Variants in RIC1 observed in about 807,000 individuals in gnomAD.
The protein encoded by RIC1 is guanine nucleotide exchange factor subunit RIC1.
In RIC1, 88 loss-of-function variants were observed where a neutral mutation model predicts 169.0. The ratio of observed to expected loss-of-function variants is 0.52; its 90% CI spans 0.44 to 0.62. The LOEUF is 0.62. Ranked by LOEUF, RIC1 falls within the 20% of genes least tolerant of loss-of-function variation. The pLI is 0.00. For missense variants in RIC1, 1,877 were observed against 1,725.5 expected, an observed-to-expected ratio of 1.09 and a Z score of -1.56; for synonymous variants, 790 against 601.5, an observed-to-expected ratio of 1.31 and a Z score of -4.59.
intron 1 of RIC1, among the ~76,000 whole-genome samples, chr9:5,635,112 T>A (rs749849228): frequency 8.5e-5 from 13 of 152,140 alleles, no homozygotes; most frequent in Non-Finnish European, 1.2e-4. Context: ...CTTAGCATCC[T>A]GAGTAGCTGG....
chr9:5,677,371 G>T (rs1820513261), intron 2 of RIC1, among the ~76,000 whole-genome samples: 1 of 151,836 alleles, frequency 6.6e-6, no homozygotes, highest in Admixed American at 6.6e-5. Flanking sequence ...TTTTTAGATG[G>T]GATCCTTGAT....
chr9:5,762,847 A>T (rs1826430859), intron 18 of RIC1, among the ~76,000 whole-genome samples, 187 bp downstream of exon 18: 1 of 152,212 alleles, frequency 6.6e-6, no homozygotes, highest in Non-Finnish European at 1.5e-5. Flanking sequence ...AATGATCATG[A>T]AATGTTCCAT....
intron 2 of RIC1, 52 bp downstream of exon 2, chr9:5,656,742 C>T: frequency 9.8e-7 from 1 of 1,025,150 alleles, no homozygotes; most frequent in Non-Finnish European, 1.5e-6. Flanking sequence ...CATTACATCG[C>T]ATTTAAATTT....
chr9:5,695,586 T>A (rs1735181703), intron 3 of RIC1, among the ~76,000 whole-genome samples: 1 of 150,354 alleles, frequency 6.7e-6, no homozygotes, highest in African/African-American at 2.4e-5. Flanking sequence ...TTTTTTTTTT[T>A]TTTTGAGACA....
chr9:5,656,815 G>T, intron 2 of RIC1, 125 bp downstream of exon 2: 1 of 579,252 alleles, frequency 1.7e-6, no homozygotes. Flanking sequence ...TATTCTGATA[G>T]GAATTGCTTT....
chr9:5,679,057 A>C (rs527891488), intron 2 of RIC1, among the ~76,000 whole-genome samples: 2 of 151,692 alleles, frequency 1.3e-5, no homozygotes, highest in Admixed American at 6.6e-5. Flanking sequence ...TCAGCTTTCT[A>C]CATATGGCTA....
At chr9:5,765,612 C>G in intron 20 of RIC1, 40 bp downstream of exon 20, 3 of 1,613,948 alleles carry the variant, frequency 1.9e-6, no homozygotes, top group African/African-American at 1.3e-5. Flanking sequence ...AGGCCATACA[C>G]CCACGTAGCA....
Position 5,763,902 on chromosome 9 carries a change from T to G in RIC1, c.2841+34T>G, listed in dbSNP as rs779615695. On this transcript the variant is annotated intron_variant, in intron 19 of 25. Coordinates refer to ENST00000414202, the MANE Select transcript of RIC1 (RefSeq NM_020829.4). The surrounding 1 kb of genome is among the most constrained non-coding windows in gnomAD (Gnocchi z 5.2). Reference sequence around the variant, plus strand: ...TCTCTTCTTATAAAGGGGCAAGAATTAATGAGCTTAAACTTAGAAAAATAG... The same window carrying G: ...TCTCTTCTTATAAAGGGGCAAGAATGAATGAGCTTAAACTTAGAAAAATAG... 6.4e-7 allele frequency: 1 copy of G among 1,568,698 alleles called. No homozygotes were observed. The highest frequency in any genetic ancestry group is 8.7e-7 in the Non-Finnish European group (1 of 1,155,210).
intron 2 of RIC1, among the ~76,000 whole-genome samples, chr9:5,685,378 C>G (rs1821154340): frequency 6.6e-6 from 1 of 151,752 alleles, no homozygotes; most frequent in African/African-American, 2.4e-5. Flanking sequence ...TTCAACTATA[C>G]TACAAGGCTA....
Position 5,776,045 on chromosome 9 carries a change from T to C in RIC1, c.*1799T>C, listed in dbSNP as rs961124032. 1 of 152,174 alleles carries C rather than the reference T, an allele frequency of 6.6e-6. No individual in the cohort carries two copies. Among genetic ancestry groups the C allele is most frequent in the African/African-American group, 2.4e-5 (1 of 41,456 alleles). The allele number at this position is 152,174 out of a possible 1,614,324, so 9.4% of individuals were successfully genotyped here. On this transcript the variant is annotated 3_prime_UTR_variant, in exon 26 of 26. Transcript: ENST00000414202. ...GGTGTGAATATTCAGTCAATAAAAA[T>C]GATTTACCATTATAAAGAGCTGTGA...
chr9:5,756,035 G>A (rs13299243), intron 15 of RIC1, among the ~76,000 whole-genome samples, 177 bp from the exon 16 acceptor site: 2,846 of 150,572 alleles, frequency 0.019, 31 homozygotes, highest in Non-Finnish European at 0.023. Context: ...AATGAGCCTA[G>A]TCTGCAAAAA....
chr9:5,774,327 T>A lies in RIC1; in HGVS notation c.*81T>A. 8.1e-7 allele frequency: 1 copy of A among 1,235,394 alleles called. No homozygotes were observed. The highest frequency in any genetic ancestry group is 1.1e-6 in the Non-Finnish European group (1 of 895,036). The allele number at this position is 1,235,394 out of a possible 1,614,324, so 76.5% of individuals were successfully genotyped here. A position where few individuals can be genotyped will look rare whatever the true frequency, so the allele number is the denominator to read the frequency against. ...TACGTTGTAACATAGTTGGATGATT[T>A]AACAGGAGAACTCAGTTCAGAGACT... On this transcript the variant is annotated 3_prime_UTR_variant, in exon 26 of 26. Transcript: ENST00000414202.
downstream of RIC1, among the ~76,000 whole-genome samples, chr9:5,777,894 G>T (rs144789575): frequency 3.5e-4 from 53 of 152,140 alleles, 1 homozygote; most frequent in Non-Finnish European, 7.4e-4. Context: ...TTTTGAAAGC[G>T]AGAGTCCTAA....
At chr9:5,637,761 T>C (rs769296219) in intron 1 of RIC1, among the ~76,000 whole-genome samples, 1 of 152,234 alleles carries the variant, frequency 6.6e-6, no homozygotes, top group Non-Finnish European at 1.5e-5. Flanking sequence ...TGACCTCTAG[T>C]TCCATCCATG....
chr9:5,687,072 G>T (rs1821294428), intron 2 of RIC1, among the ~76,000 whole-genome samples: 1 of 152,042 alleles, frequency 6.6e-6, no homozygotes, highest in Admixed American at 6.5e-5. Flanking sequence ...GAACTTTGGT[G>T]GTTTGTGTTT....
At chr9:5,678,878 G>C (rs1820623691) in intron 2 of RIC1, among the ~76,000 whole-genome samples, 1 of 152,034 alleles carries the variant, frequency 6.6e-6, no homozygotes, top group Non-Finnish European at 1.5e-5. Context: ...TTTGGCTTTT[G>C]TTGCCATTGC....
At chr9:5,720,772 G>C in intron 6 of RIC1, 22 bp downstream of exon 6, 1 of 1,559,858 alleles carries the variant, frequency 6.4e-7, no homozygotes, top group Non-Finnish European at 8.6e-7. Context: ...TTACTTTGAA[G>C]GGTTTTTTGT....
At chr9:5,695,669 T>G (rs898217206) in intron 3 of RIC1, among the ~76,000 whole-genome samples, 13 of 150,344 alleles carry the variant, frequency 8.6e-5, no homozygotes, top group East Asian at 7.8e-4. Flanking sequence ...GCCTTCTGGG[T>G]TCAAGCGATT....
chr9:5,771,091 A>C (rs1198073205), intron 23 of RIC1, among the ~76,000 whole-genome samples: 1 of 152,222 alleles, frequency 6.6e-6, no homozygotes, highest in Non-Finnish European at 1.5e-5. Flanking sequence ...ACAATTTAAC[A>C]GCTTAACCGT....
Sources: allele counts gnomAD v4.1 joint callset (sites outside exome capture counted in the v4.1 genomes callset), GRCh38; gene constraint gnomAD v4.1.1; non-coding constraint Gnocchi (gnomAD v3.1); transcripts MANE v1.5; gene names NCBI Gene and HGNC (gene_info 2026-07-23, HGNC 2026-07-21).